LDB2: variants seen among roughly 807,000 people sequenced by gnomAD.
LDB2 encodes the protein LIM domain binding 2.
LDB2 carries 12 observed loss-of-function variants against 44.3 expected under a neutral mutation model. That is an observed-to-expected ratio of 0.27 (90% CI 0.17 to 0.44). LDB2 has a LOEUF of 0.44. Among genes scored for constraint, LDB2 ranks in the 20% least tolerant of loss-of-function variants. The pLI is 1.00. For missense variants in LDB2, 344 were observed against 473.5 expected, an observed-to-expected ratio of 0.73 and a Z score of 2.54; for synonymous variants, 164 against 174.8, an observed-to-expected ratio of 0.94 and a Z score of 0.49.
chr4:16,608,059 T>C (rs1724437042), intron 2 of LDB2, among the ~76,000 whole-genome samples: 3 of 152,028 alleles, frequency 2.0e-5, no homozygotes, highest in Admixed American at 6.6e-5. Context: ...TTTAAAAGAT[T>C]CATTTTTAAA....
At chr4:16,532,100 C>A (rs989253060) in intron 5 of LDB2, among the ~76,000 whole-genome samples, 2 of 152,060 alleles carry the variant, frequency 1.3e-5, no homozygotes, top group African/African-American at 4.8e-5. Flanking sequence ...GGGAATCAGC[C>A]TCTCTCTTCA....
At chr4:16,560,952 A>G (rs1310999606) in intron 5 of LDB2, among the ~76,000 whole-genome samples, 3 of 152,192 alleles carry the variant, frequency 2.0e-5, no homozygotes, top group South Asian at 2.1e-4. Context: ...TATAAACAGA[A>G]CCAAAGACAA....
intron 5 of LDB2, among the ~76,000 whole-genome samples, chr4:16,522,336 C>CGTGGA (rs1726534586): frequency 6.6e-6 from 1 of 151,480 alleles, no homozygotes; most frequent in South Asian, 2.1e-4. Context: ...GGGGGTTCCA[C>CGTGGA]GTCTGTGGAT....
At chr4:16,586,971 A>T (rs1207056373) in intron 4 of LDB2, among the ~76,000 whole-genome samples, 2 of 152,122 alleles carry the variant, frequency 1.3e-5, no homozygotes, top group Non-Finnish European at 2.9e-5. Flanking sequence ...TACCAATTGG[A>T]TTTGTATATA....
rs1357701041 is a variant in LDB2 at position 16,656,208 on chromosome 4, CG to C, written c.236-60334del. Among the ~76,000 whole-genome samples, 7 of 152,294 alleles carry C rather than the reference CG, an allele frequency of 4.6e-5. No individual in the cohort carries two copies. In the East Asian group the frequency reaches 1.4e-3, roughly 29 times the overall value. On this transcript the variant is annotated intron_variant, in intron 2 of 7. Transcript: ENST00000304523. The stretch of plus-strand genomic sequence containing the variant: ...AGCCACCGCACCTGGCCCAAGAAAA[CG>C]TCCTTTAAAAATGTAATCTTGTTCC...
At chr4:16,574,748 TTA>T (rs1246927522) in intron 5 of LDB2, among the ~76,000 whole-genome samples, 4 of 152,196 alleles carry the variant, frequency 2.6e-5, no homozygotes, top group Non-Finnish European at 1.5e-5. Flanking sequence ...CTGGCATTTA[TTA>T]TGCTTCTTCT....
chr4:16,506,071 A>C, intron 7 of LDB2: 2 of 1,394,314 alleles, frequency 1.4e-6, no homozygotes, highest in Non-Finnish European at 1.9e-6. Context: ...TACACAGACC[A>C]CAGCTGTGGT....
chr4:16,634,676 C>A (rs1199928276), intron 2 of LDB2, among the ~76,000 whole-genome samples: 1 of 151,950 alleles, frequency 6.6e-6, no homozygotes, highest in Non-Finnish European at 1.5e-5. Flanking sequence ...AAAAATAACA[C>A]TTTTACACTG....
At chr4:16,592,675 G>A (rs1182991126) in intron 3 of LDB2, among the ~76,000 whole-genome samples, 1 of 151,832 alleles carries the variant, frequency 6.6e-6, no homozygotes, top group African/African-American at 2.4e-5. Flanking sequence ...ACTGGTGGGT[G>A]CATTTCCATG....
intron 1 of LDB2, among the ~76,000 whole-genome samples, chr4:16,838,363 T>C (rs554135531): frequency 1.3e-5 from 2 of 152,306 alleles, no homozygotes; most frequent in East Asian, 3.9e-4. Context: ...TCCCTCGGCA[T>C]GTGACTATGA....
intron 2 of LDB2, among the ~76,000 whole-genome samples, chr4:16,695,261 G>A (rs1427365281): frequency 6.6e-6 from 1 of 152,142 alleles, no homozygotes; most frequent in Non-Finnish European, 1.5e-5. Flanking sequence ...TCTAGGCGGG[G>A]CGCAGTGGCT....
intron 2 of LDB2, among the ~76,000 whole-genome samples, chr4:16,658,621 A>G (rs991164752): frequency 1.3e-5 from 2 of 152,184 alleles, no homozygotes; most frequent in Non-Finnish European, 2.9e-5. Context: ...CAATTAATTT[A>G]GAATGTTCAA....
At chr4:16,795,751 C>G (rs1479389660) in intron 1 of LDB2, among the ~76,000 whole-genome samples, 2 of 152,152 alleles carry the variant, frequency 1.3e-5, no homozygotes, top group Non-Finnish European at 2.9e-5. Flanking sequence ...GAGTCTCCCC[C>G]ACCACCTTAA....
At chr4:16,867,208 G>A (rs542717605) in intron 1 of LDB2, among the ~76,000 whole-genome samples, 184 of 152,270 alleles carry the variant, frequency 1.2e-3, no homozygotes, top group African/African-American at 4.2e-3. Context: ...GGAAACACCC[G>A]CAGGTAACAC....
intron 5 of LDB2, among the ~76,000 whole-genome samples, chr4:16,555,185 A>G (rs1421222585): frequency 1.3e-5 from 2 of 150,560 alleles, no homozygotes; most frequent in East Asian, 2.0e-4. Flanking sequence ...TTCTGATTCA[A>G]TTGGTCTGGG....
At chr4:16,599,380 T>G (rs1484259429) in intron 2 of LDB2, among the ~76,000 whole-genome samples, 9 of 152,138 alleles carry the variant, frequency 5.9e-5, no homozygotes, top group Non-Finnish European at 7.3e-5. Flanking sequence ...GGCATCATTC[T>G]CACTCTGTCT....
rs79247915 is a variant in LDB2, at chr4:16,685,587, G to T, written c.235+73571C>A. Reference sequence around the variant, plus strand: ...AATAAAGTCATGTATGTGAAATTAAGTAGCAGGGGGAAGGAAGCAGATTCG... The same window carrying T: ...AATAAAGTCATGTATGTGAAATTAATTAGCAGGGGGAAGGAAGCAGATTCG... On this transcript the variant is annotated intron_variant, in intron 2 of 7. Coordinates refer to ENST00000304523, the MANE Select transcript of LDB2 (RefSeq NM_001290.5). Among the ~76,000 whole-genome samples the T allele has an allele frequency of 2.0e-3, 309 of 152,220 alleles. 1 individual carries two copies. Among genetic ancestry groups the T allele is most frequent in the African/African-American group, 7.2e-3 (299 of 41,544 alleles).
At chr4:16,807,035 C>G (rs1240607147) in intron 1 of LDB2, among the ~76,000 whole-genome samples, 1 of 152,180 alleles carries the variant, frequency 6.6e-6, no homozygotes, top group African/African-American at 2.4e-5. Flanking sequence ...ACCAAGAAAA[C>G]TGGTTTTTGG....
rs1749415437 is a variant in LDB2, at chr4:16,687,031, T to C, written c.235+72127A>G. Among the ~76,000 whole-genome samples the C allele has an allele frequency of 7.3e-5, 11 of 151,672 alleles. No individual in the cohort carries two copies. The Admixed American group carries it at 7.3e-4, about 10-fold the overall frequency. ...TTCAGAAAGAATGCTTGAGAATATA[T>C]ATTTTTCTTTTTACCAGTGAAATAT... On this transcript the variant is annotated intron_variant, in intron 2 of 7. Transcript: ENST00000304523.
Sources: gnomAD v4.1 joint callset for allele counts (sites outside exome capture counted in the v4.1 genomes callset) on GRCh38, gnomAD v4.1.1 for gene constraint, MANE v1.5 for transcripts, NCBI Gene and HGNC (gene_info 2026-07-23, HGNC 2026-07-21) for gene names.